Variants in BFSP1 observed in about 807,000 individuals in gnomAD.
BFSP1 encodes the protein filensin.
Under a neutral mutation model 43.9 loss-of-function variants are expected in BFSP1, and 38 were observed. That is an observed-to-expected ratio of 0.87 (90% CI 0.67 to 1.14). The LOEUF (loss-of-function observed/expected upper bound fraction) is 1.14. Ranked by LOEUF, BFSP1 falls within the 50% of genes most tolerant of loss-of-function variation. The probability of loss-of-function intolerance (pLI) is 0.00; values close to 1 mark genes in which losing one functional copy is unlikely to be tolerated. For missense variants in BFSP1, 850 were observed against 875.1 expected (o/e 0.97, Z 0.36); for synonymous variants, 352 against 354.8 (o/e 0.99, Z 0.09).
intron 1 of BFSP1, among the ~76,000 whole-genome samples, chr20:17,528,650 C>T (rs1316291297): frequency 6.6e-6 from 1 of 152,196 alleles, no homozygotes; most frequent in Non-Finnish European, 1.5e-5. Context: ...AGTTCTGCCA[C>T]CCACAGGCCC....
rs555078796 is a variant in BFSP1 at position 17,499,057 on chromosome 20, G to A, written c.736-17C>T. 40 of 1,609,798 alleles carry A rather than the reference G, an allele frequency of 2.5e-5. No individual in the cohort carries two copies. The highest frequency in any genetic ancestry group is 8.9e-5 in the East Asian group (4 of 44,828). On this transcript the variant is annotated splice_polypyrimidine_tract_variant and intron_variant, in intron 5 of 7. Transcript: ENST00000377873. ...AGTTGTTGTCTGTGGGCAAGGACAC[G>A]CTGTAAGAAAATCCATCCCCCTTCT...
intron 1 of BFSP1, among the ~76,000 whole-genome samples, chr20:17,529,151 C>A (rs1287587573): frequency 6.6e-6 from 1 of 151,628 alleles, no homozygotes; most frequent in Non-Finnish European, 1.5e-5. Context: ...CAGCTCACTG[C>A]AGCCTCCGCC....
At chr20:17,506,010 GT>G (rs1490898080) in intron 5 of BFSP1, among the ~76,000 whole-genome samples, 1 of 152,246 alleles carries the variant, frequency 6.6e-6, no homozygotes, top group Non-Finnish European at 1.5e-5. Flanking sequence ...AAGGAAAGGA[GT>G]TTATTCAAGA....
At chr20:17,546,753 C>T (rs768011998) in intron 1 of BFSP1, among the ~76,000 whole-genome samples, 2 of 151,772 alleles carry the variant, frequency 1.3e-5, no homozygotes, top group Admixed American at 6.6e-5. Context: ...CAGCTAGGAG[C>T]GGTGGCTTAC....
intron 1 of BFSP1, among the ~76,000 whole-genome samples, chr20:17,537,641 G>A (rs1370400808): frequency 4.7e-5 from 7 of 148,678 alleles, no homozygotes; most frequent in East Asian, 2.0e-4. Flanking sequence ...GACAGGCACC[G>A]ACAAAAGGCA....
intron 1 of BFSP1, among the ~76,000 whole-genome samples, chr20:17,527,635 G>A (rs2034449894): frequency 6.6e-6 from 1 of 152,136 alleles, no homozygotes. Flanking sequence ...GGCTGAGGCA[G>A]GAGAATAGCG....
At chr20:17,530,177 G>A (rs2034503810) in intron 1 of BFSP1, among the ~76,000 whole-genome samples, 1 of 152,148 alleles carries the variant, frequency 6.6e-6, no homozygotes, top group African/African-American at 2.4e-5. Flanking sequence ...CTGGTCCATG[G>A]ACCGCACTTT....
intron 1 of BFSP1, among the ~76,000 whole-genome samples, chr20:17,550,601 A>G (rs777562463): frequency 1.9e-4 from 29 of 151,838 alleles, no homozygotes; most frequent in Admixed American, 9.2e-4. Context: ...AGTAGATGGA[A>G]TTACAGGTGC....
chr20:17,550,538 C>G (rs552047500), intron 1 of BFSP1, among the ~76,000 whole-genome samples: 48 of 149,836 alleles, frequency 3.2e-4, no homozygotes, highest in Admixed American at 5.3e-4. Context: ...GATCTCAGCT[C>G]ACTGCAACCT....
At chr20:17,497,572 GTATATATACGTA>G (rs1196005727) in intron 6 of BFSP1, among the ~76,000 whole-genome samples, 1,192 of 21,506 alleles carry the variant, frequency 0.055, 17 homozygotes, top group Middle Eastern at 0.29. Context: ...GTGTGTATAT[GTATATATACGTA>G]TATATATACG....
At position 17,555,372 on chromosome 20, in the gene BFSP1, G is replaced by C. The variant is rs140792086; in HGVS notation, c.2+3316C>G. Among the ~76,000 whole-genome samples, 954 of 151,816 alleles carry C rather than the reference G, an allele frequency of 6.3e-3. 8 individuals carry two copies. The highest frequency in any genetic ancestry group is 0.022 in the African/African-American group (901 of 41,382). ...ATGCCCAAACAATTACAGAAACATG[G>C]CCGGCAGTGGTGGTTCATGCCTGTA... On this transcript the variant is annotated intron_variant, in intron 1 of 7. Coordinates refer to the BFSP1 transcript ENST00000377868.
chr20:17,558,772 G>A (rs1201133173), exon 1 of BFSP1: 2 of 1,544,118 alleles, frequency 1.3e-6, no homozygotes, highest in South Asian at 1.2e-5. Context: ...TGCTGCCTGA[G>A]GTACCCTGCC....
chr20:17,548,180 C>CAAAAAAAAAAAAAAAAAAAA, intron 1 of BFSP1, among the ~76,000 whole-genome samples: 1 of 119,846 alleles, frequency 8.3e-6, no homozygotes, highest in Non-Finnish European at 1.7e-5. Flanking sequence ...GAAAATAATG[C>CAAAAAAAAAAAAAAAAAAAA]AAAAAAAAAA....
At chr20:17,517,039 C>T (rs1426445039) in intron 2 of BFSP1, 9 of 885,964 alleles carry the variant, frequency 1.0e-5, no homozygotes, top group Non-Finnish European at 1.9e-6. Flanking sequence ...AAGGAGTCTA[C>T]TCTTCATCTT....
chr20:17,518,528 T>G (rs1158496679), intron 2 of BFSP1, among the ~76,000 whole-genome samples: 4 of 152,156 alleles, frequency 2.6e-5, no homozygotes, highest in South Asian at 2.1e-4. Flanking sequence ...AATCAAGGCC[T>G]TCCTACCGCA....
At chr20:17,497,866 T>G (rs16999345) in intron 6 of BFSP1, among the ~76,000 whole-genome samples, 22,696 of 152,034 alleles carry the variant, frequency 0.15, 1,722 homozygotes, top group African/African-American at 0.19. Context: ...AGGTATCCAG[T>G]CACCTTTCTG....
chr20:17,536,155 A>T (rs1428352162), upstream of BFSP1, among the ~76,000 whole-genome samples: 1 of 152,242 alleles, frequency 6.6e-6, no homozygotes, highest in Non-Finnish European at 1.5e-5. Flanking sequence ...AGGGGAAAAG[A>T]AAAGCAAAAT....
chr20:17,508,951 G>A lies in BFSP1; in HGVS notation c.673C>T (p.Leu225=). 6.2e-7 allele frequency: 1 copy of A among 1,604,158 alleles called. No individual in the cohort carries two copies. The highest frequency in any genetic ancestry group is 8.5e-7 in the Non-Finnish European group (1 of 1,176,176). Residue 225 remains leucine (L), a synonymous_variant, in exon 5 of 8, where the codon CTG becomes TTG. Transcript: ENST00000377873. ...EREVAALRSQ[L]EEGREVLSHL... ...GAGAGCACCTCCCGGCCCTCCTCCA[G>A]CTGACTCCGCAGGGCGGCCACCTCC...
At chr20:17,535,431 T>C (rs1023507554), upstream of BFSP1, among the ~76,000 whole-genome samples, 5 of 152,106 alleles carry the variant, frequency 3.3e-5, no homozygotes, top group Admixed American at 3.3e-4. Flanking sequence ...CTTGGGAGGC[T>C]GAGGCAGGAG....
Sources: allele counts gnomAD v4.1 joint callset (sites outside exome capture counted in the v4.1 genomes callset), GRCh38; gene constraint gnomAD v4.1.1; transcripts MANE v1.5; gene names NCBI Gene and HGNC (gene_info 2026-07-23, HGNC 2026-07-21).